Variants in ZNF226 observed in about 807,000 individuals in gnomAD.
ZNF226 encodes zinc finger protein 226, also known as Kruppel-associated box protein.
In ZNF226, 6 loss-of-function variants were observed where a neutral mutation model predicts 11.4. That is an observed-to-expected ratio of 0.53 (90% CI 0.29 to 1.04). The LOEUF (loss-of-function observed/expected upper bound fraction) is 1.04. ZNF226 is among the 50% of genes least tolerant of loss of function. The pLI is 0.08. For missense variants in ZNF226, 1,058 were observed against 956.5 expected (o/e 1.11, Z -1.40); for synonymous variants, 350 against 322.8 (o/e 1.08, Z -0.90).
At chr19:44,168,063 G>A (rs375652421) in intron 2 of ZNF226, among the ~76,000 whole-genome samples, 59 of 152,282 alleles carry the variant, frequency 3.9e-4, no homozygotes, top group African/African-American at 1.3e-3. Context: ...GGTCATGTTA[G>A]ATGGAAGAGG....
At chr19:44,174,684 A>G in intron 5 of ZNF226, 2 of 238,334 alleles carry the variant, frequency 8.4e-6, no homozygotes, top group Non-Finnish European at 1.6e-5. Context: ...ACAATTGACT[A>G]GTAGACCACT....
Position 44,176,291 on chromosome 19 carries a change from T to G in ZNF226, c.1029T>G (p.Gly343=), listed in dbSNP as rs1422070242. 1 of 1,613,578 alleles carries G rather than the reference T, an allele frequency of 6.2e-7. No individual in the cohort carries two copies. The highest frequency in any genetic ancestry group is 1.3e-5 in the African/African-American group (1 of 74,852). Residue 343 remains glycine (G), a synonymous_variant, in exon 6 of 6, where the codon GGT becomes GGG. Transcript: ENST00000337433. ...KPYKCKQCGK[G]FSRRSALNVH... is the part of the protein sequence containing the mutation. The stretch of plus-strand genomic sequence containing the variant: ...ACAAATGTAAGCAATGTGGGAAAGG[T>G]TTCAGTCGTAGATCAGCACTTAATG...
downstream of ZNF226, among the ~76,000 whole-genome samples, chr19:44,182,388 A>C (rs1970919318): frequency 6.6e-6 from 1 of 152,106 alleles, no homozygotes; most frequent in African/African-American, 2.4e-5. Flanking sequence ...CACACACCTC[A>C]GTTATAACAA....
At chr19:44,180,649 T>G (rs1259780057), downstream of ZNF226, among the ~76,000 whole-genome samples, 1 of 152,190 alleles carries the variant, frequency 6.6e-6, no homozygotes, top group Non-Finnish European at 1.5e-5. Flanking sequence ...TATGCTTTCT[T>G]GCTGCAGTGT....
chr19:44,170,639 CAGG>C (rs1342622679), intron 3 of ZNF226, among the ~76,000 whole-genome samples: 1 of 152,186 alleles, frequency 6.6e-6, no homozygotes, highest in African/African-American at 2.4e-5. Context: ...GAGGCTGAGG[CAGG>C]AGAATGGCCT....
chr19:44,177,499 A>G lies in ZNF226; in HGVS notation c.2237A>G (p.Gln746Arg), dbSNP rs1970805840. The change falls in exon 6 of 6, where the codon CAG becomes CGG. Residue 746 changes from glutamine (Q) to arginine (R), a missense_variant. Physicochemically the swap from Gln to Arg is conservative, Grantham distance 43 (BLOSUM62 1). Coordinates refer to ENST00000337433, the MANE Select transcript of ZNF226 (RefSeq NM_001032373.2). ...FSRSSQLQSHQRVHTGEKPYK... is the reference protein window; with the variant it reads ...FSRSSQLQSHRRVHTGEKPYK... Reference sequence around the variant, plus strand: ...CGGTCTTCACAACTACAGTCTCATCAGCGAGTTCACACTGGGGAGAAACCT... The same window carrying G: ...CGGTCTTCACAACTACAGTCTCATCGGCGAGTTCACACTGGGGAGAAACCT... The G allele has an allele frequency of 1.2e-6, 2 of 1,614,188 alleles. No homozygotes were observed. Among genetic ancestry groups the G allele is most frequent in the Non-Finnish European group, 1.7e-6 (2 of 1,180,036 alleles).
chr19:44,171,995 G>C (rs2232801), intron 3 of ZNF226, 93 bp from the exon 4 acceptor site: 861,731 of 1,520,992 alleles, frequency 0.57, 247,207 homozygotes, highest in Admixed American at 0.71. Flanking sequence ...ACAAACGGCT[G>C]GGCATCCAGA....
chr19:44,185,694 T>G, the ZNF226 span, among the ~76,000 whole-genome samples: 3 of 152,100 alleles, frequency 2.0e-5, no homozygotes, highest in African/African-American at 7.2e-5. Flanking sequence ...GCAATTTTCC[T>G]CCATTCTGCA....
At position 44,176,312 on chromosome 19, in the gene ZNF226, T is replaced by TA. The variant is rs1970674815; in HGVS notation, c.1052dup (p.Asn351LysfsTer14). Reference sequence around the variant, plus strand: ...AAGGTTTCAGTCGTAGATCAGCACTTAATGTTCATTGCAAGGTCCACACGG... The same window carrying TA: ...AAGGTTTCAGTCGTAGATCAGCACTTAAATGTTCATTGCAAGGTCCACACGG... On this transcript the variant is annotated frameshift_variant, in exon 6 of 6. Coordinates refer to ENST00000337433, the MANE Select transcript of ZNF226 (RefSeq NM_001032373.2). LOFTEE classifies it low-confidence loss of function (END_TRUNC). 1 of 1,614,212 alleles carries TA rather than the reference T, an allele frequency of 6.2e-7. No homozygotes were observed. Among genetic ancestry groups the TA allele is most frequent in the East Asian group, 2.2e-5 (1 of 44,884 alleles).
In ZNF226 at chr19:44,176,025, A is replaced by G. The variant is rs1241401551; in HGVS notation, c.763A>G (p.Asn255Asp). 1.2e-6 allele frequency: 2 copies of G among 1,613,898 alleles called. No homozygotes were observed. Among genetic ancestry groups the G allele is most frequent in the Non-Finnish European group, 8.5e-7 (1 of 1,179,916 alleles). The change falls in exon 6 of 6, where the codon AAT becomes GAT. Residue 255 changes from asparagine to aspartate, a missense_variant. By Grantham distance (23) the Asn-to-Asp change is conservative. Coordinates refer to ENST00000337433, the MANE Select transcript of ZNF226 (RefSeq NM_001032373.2). ...IHTGQKSYQC[N>D]ECKKPFSDLS... Reference sequence around the variant, plus strand: ...CACAGGACAGAAATCGTACCAGTGTAATGAGTGTAAAAAACCCTTCAGTGA... The same window carrying G: ...CACAGGACAGAAATCGTACCAGTGTGATGAGTGTAAAAAACCCTTCAGTGA...
In ZNF226 at chr19:44,175,796, G is replaced by T; in HGVS notation, c.534G>T (p.Leu178=). The change falls in exon 6 of 6, where the codon CTG becomes CTT. Residue 178 remains leucine, a synonymous_variant. Transcript: ENST00000337433. ...RTQDSWRKTF[L]TESQRLNRDQ... Reference sequence around the variant, plus strand: ...AGGATTCTTGGAGGAAAACATTCCTGACTGAGTCACAGAGATTGAACAGAG... The same window carrying T: ...AGGATTCTTGGAGGAAAACATTCCTTACTGAGTCACAGAGATTGAACAGAG... The T allele has an allele frequency of 6.2e-7, 1 of 1,613,638 alleles. No homozygotes were observed. Among genetic ancestry groups the T allele is most frequent in the South Asian group, 1.1e-5 (1 of 90,980 alleles).
the ZNF226 span, among the ~76,000 whole-genome samples, chr19:44,197,112 T>C: frequency 2.0e-5 from 3 of 152,242 alleles, no homozygotes; most frequent in South Asian, 6.2e-4. Flanking sequence ...GATTGAACTA[T>C]GCTGCTGTTT....
downstream of ZNF226, among the ~76,000 whole-genome samples, chr19:44,180,086 CAAAAA>C (rs60173546): frequency 1.3e-4 from 7 of 54,726 alleles, no homozygotes; most frequent in Non-Finnish European, 2.1e-4. Context: ...GACTCTGTCT[CAAAAA>C]AAAAAAAAAA....
the ZNF226 span, among the ~76,000 whole-genome samples, chr19:44,194,101 A>AC: frequency 1.3e-5 from 2 of 152,186 alleles, no homozygotes; most frequent in African/African-American, 4.8e-5. Context: ...CTAACCTATG[A>AC]CCAAGTTTTC....
At chr19:44,193,434 T>C in the ZNF226 span, among the ~76,000 whole-genome samples, 2 of 148,046 alleles carry the variant, frequency 1.4e-5, no homozygotes, top group Admixed American at 1.3e-4. Flanking sequence ...CAGTTTTTCA[T>C]ATTGCTAATC....
chr19:44,173,180 C>G lies in ZNF226; in HGVS notation c.235+228C>G, dbSNP rs192379913. 4 of 558,442 alleles carry G rather than the reference C, an allele frequency of 7.2e-6. No individual in the cohort carries two copies. In the African/African-American group the frequency reaches 7.6e-5, roughly 11 times the overall value. The allele number at this position is 558,442 out of a possible 1,614,324, so 34.6% of individuals were successfully genotyped here. On this transcript the variant is annotated intron_variant, in intron 5 of 5. Coordinates refer to ENST00000337433, the MANE Select transcript of ZNF226 (RefSeq NM_001032373.2). ...TGTCAGACTATGTTGTTCTTCTGCT[C>G]AAAATTCTCTGTGACTTATTTTACA... is the stretch of plus-strand genomic sequence containing the variant.
chr19:44,186,106 G>C, the ZNF226 span, among the ~76,000 whole-genome samples: 1 of 151,782 alleles, frequency 6.6e-6, no homozygotes, highest in African/African-American at 2.4e-5. Context: ...TGTTATATTG[G>C]TTATATGTCT....
chr19:44,175,028 A>T (rs1381344203), intron 5 of ZNF226: 1 of 1,611,476 alleles, frequency 6.2e-7, no homozygotes. Flanking sequence ...CCTGGCTCAA[A>T]CTTAAACTTG....
chr19:44,172,005 A>C (rs777602736), intron 3 of ZNF226, 83 bp from the exon 4 acceptor site: 72 of 1,562,560 alleles, frequency 4.6e-5, no homozygotes, highest in Non-Finnish European at 6.2e-5. Context: ...GGGCATCCAG[A>C]ACAACTTTCC....
Sources: allele counts gnomAD v4.1 joint callset (sites outside exome capture counted in the v4.1 genomes callset), GRCh38; gene constraint gnomAD v4.1.1; transcripts MANE v1.5; gene names NCBI Gene and HGNC (gene_info 2026-07-23, HGNC 2026-07-21).